The following VPS26C variants were observed in gnomAD, a reference collection of about 807,000 sequenced individuals.
VPS26C encodes VPS26 endosomal protein sorting factor C, also known as vacuolar protein sorting-associated protein 26C.
In VPS26C, 19 loss-of-function variants were observed where a neutral mutation model predicts 30.6. The ratio of observed to expected loss-of-function variants is 0.62; its 90% CI spans 0.43 to 0.91. The LOEUF is 0.91. VPS26C is among the 40% of genes least tolerant of loss of function. VPS26C has a pLI of 0.00. For missense variants in VPS26C, 318 were observed against 385.1 expected, an observed-to-expected ratio of 0.83 and a Z score of 1.46; for synonymous variants, 132 against 151.5, an observed-to-expected ratio of 0.87 and a Z score of 0.95.
At chr21:37,254,654 T>C (rs938586191) in intron 1 of VPS26C, among the ~76,000 whole-genome samples, 1 of 151,606 alleles carries the variant, frequency 6.6e-6, no homozygotes, top group Non-Finnish European at 1.5e-5. Flanking sequence ...CTACTAAAAA[T>C]ACAAAAAATA....
In VPS26C at chr21:37,267,278, T is replaced by C; in HGVS notation, c.17A>G (p.Asp6Gly). MGTAL[D>G]IKIKRANKVY... ...TTTATTCGCTCTTTTAATCTTGATG[T>C]CCAGGGCGGTCCCCATCTCCAATTC... Residue 6 changes from aspartate to glycine, a missense_variant, in exon 1 of 8, where the codon GAC becomes GGC. Coordinates refer to ENST00000309117, the MANE Select transcript of VPS26C (RefSeq NM_006052.2). 6.2e-7 allele frequency: 1 copy of C among 1,611,188 alleles called. No individual in the cohort carries two copies. Among genetic ancestry groups the C allele is most frequent in the Non-Finnish European group, 8.5e-7 (1 of 1,179,056 alleles).
At chr21:37,253,205 GT>G (rs2086211372) in intron 1 of VPS26C, among the ~76,000 whole-genome samples, 1 of 152,178 alleles carries the variant, frequency 6.6e-6, no homozygotes, top group Non-Finnish European at 1.5e-5. Context: ...TTACATACAT[GT>G]GCTGCCAATA....
intron 7 of VPS26C, 77 bp from the exon 8 acceptor site, chr21:37,225,703 G>A (rs1490486707): frequency 1.4e-5 from 18 of 1,274,252 alleles, no homozygotes; most frequent in Middle Eastern, 4.8e-4. Flanking sequence ...CACTGCAGTC[G>A]CAGGAAGCTC....
Position 37,267,271 on chromosome 21 carries a change from C to T in VPS26C, c.24G>A (p.Lys8=), listed in dbSNP as rs369058750. The T allele has an allele frequency of 7.3e-7, 1 of 1,374,678 alleles. No individual in the cohort carries two copies. The highest frequency in any genetic ancestry group is 1.6e-5 in the African/African-American group (1 of 64,472). The allele number at this position is 1,374,678 out of a possible 1,614,324, so 85.2% of individuals were successfully genotyped here. MGTALDI[K]IKRANKVYHA... ...GATAAACTTTATTCGCTCTTTTAAT[C>T]TTGATGTCCAGGGCGGTCCCCATCT... Residue 8 remains lysine, a synonymous_variant, in exon 1 of 8, where the codon AAG becomes AAA. Transcript: ENST00000309117.
intron 1 of VPS26C, among the ~76,000 whole-genome samples, chr21:37,245,209 G>A (rs1392308880): frequency 6.6e-5 from 10 of 152,212 alleles, no homozygotes; most frequent in Middle Eastern, 3.2e-3. Flanking sequence ...AGAGAAATAC[G>A]AGTGGCAGAT....
At chr21:37,250,023 G>A (rs1224810803) in intron 1 of VPS26C, among the ~76,000 whole-genome samples, 6 of 152,218 alleles carry the variant, frequency 3.9e-5, no homozygotes, top group African/African-American at 1.4e-4. Flanking sequence ...ATTAAGTTGG[G>A]CCGGGCAGGG....
At chr21:37,240,054 C>T (rs73220518) in intron 2 of VPS26C, among the ~76,000 whole-genome samples, 24,668 of 152,216 alleles carry the variant, frequency 0.16, 2,537 homozygotes, top group Non-Finnish European at 0.22. Context: ...AGAAGTGTAA[C>T]TACCACCATC....
At chr21:37,241,638 C>T (rs544617011) in intron 1 of VPS26C, among the ~76,000 whole-genome samples, 4 of 151,932 alleles carry the variant, frequency 2.6e-5, no homozygotes, top group African/African-American at 4.8e-5. Context: ...GGTAACATAG[C>T]GAGACTCCAT....
intron 3 of VPS26C, 40 bp downstream of exon 3, chr21:37,238,420 A>G (rs777450023): frequency 3.1e-6 from 5 of 1,593,546 alleles, no homozygotes; most frequent in Non-Finnish European, 4.3e-6. Flanking sequence ...GTCAGAAGAA[A>G]ACTTGTGAAG....
chr21:37,250,175 C>A (rs1569238923), intron 1 of VPS26C, among the ~76,000 whole-genome samples: 1 of 152,068 alleles, frequency 6.6e-6, no homozygotes, highest in Non-Finnish European at 1.5e-5. Context: ...CATGATGATA[C>A]ATGCCTATAG....
intron 1 of VPS26C, among the ~76,000 whole-genome samples, chr21:37,258,792 G>A (rs1052279837): frequency 6.6e-6 from 1 of 152,144 alleles, no homozygotes; most frequent in South Asian, 2.1e-4. Context: ...GTCCAGTATC[G>A]AAACACGCCG....
chr21:37,227,606 C>T (rs199575179), intron 7 of VPS26C, 48 bp downstream of exon 7: 11 of 1,581,314 alleles, frequency 7.0e-6, no homozygotes, highest in East Asian at 4.6e-5. Flanking sequence ...TGGCGCTGAG[C>T]GGCCCTTCCC....
intron 1 of VPS26C, among the ~76,000 whole-genome samples, chr21:37,249,248 C>G (rs981381782): frequency 6.6e-6 from 1 of 152,124 alleles, no homozygotes; most frequent in South Asian, 2.1e-4. Flanking sequence ...AGAGGTAATT[C>G]AAAGGCAGGA....
rs1569233756 is a variant in VPS26C, at chr21:37,235,872, TATA to T, written c.352-2433_352-2431del. On this transcript the variant is annotated intron_variant, in intron 3 of 7. Transcript: ENST00000309117. ...GTGTGTATATATATATATATATATATATATATATTTTTTTTTTTAATTAAAAAA... is the reference window on the plus strand; with the variant it reads ...GTGTGTATATATATATATATATATATTATATTTTTTTTTTTAATTAAAAAA... Among the ~76,000 whole-genome samples, 245 of 90,054 alleles carry T rather than the reference TATA, an allele frequency of 2.7e-3. 2 individuals carry two copies. The highest frequency in any genetic ancestry group is 8.4e-3 in the African/African-American group (216 of 25,858). 59.1% of individuals were successfully genotyped at this position (90,054 alleles called of 152,430 possible). A position where few individuals can be genotyped will look rare whatever the true frequency, so the allele number is the denominator to read the frequency against.
chr21:37,246,643 A>G (rs1392349678), intron 1 of VPS26C, among the ~76,000 whole-genome samples: 1 of 152,090 alleles, frequency 6.6e-6, no homozygotes, highest in Admixed American at 6.5e-5. Flanking sequence ...AGTCCTGACA[A>G]TGTAGAATGT....
intron 1 of VPS26C, among the ~76,000 whole-genome samples, chr21:37,264,117 G>T (rs965909365): frequency 7.9e-5 from 12 of 152,170 alleles, no homozygotes; most frequent in African/African-American, 2.9e-4. Flanking sequence ...ACATGTCAGA[G>T]ATTTTTGTCA....
intron 1 of VPS26C, among the ~76,000 whole-genome samples, chr21:37,265,044 C>T (rs2086344382): frequency 6.6e-6 from 1 of 152,156 alleles, no homozygotes; most frequent in Non-Finnish European, 1.5e-5. Flanking sequence ...AAAAGGGCCA[C>T]ATAGTGTACG....
rs1369504002 is a variant in VPS26C, at chr21:37,223,854, C to T, written c.*1690G>A. The T allele has an allele frequency of 1.5e-5, 2 of 134,710 alleles. No individual in the cohort carries two copies. The highest frequency in any genetic ancestry group is 3.2e-5 in the Non-Finnish European group (2 of 61,842). 8.3% of individuals were successfully genotyped at this position (134,710 alleles called of 1,614,324 possible). A position where few individuals can be genotyped will look rare whatever the true frequency, so the allele number is the denominator to read the frequency against. ...CTGAGCCTGTTTTGGCCAAGCCCAT[C>T]CAGAATGAAAAGTACAAAAGAAGGC... On this transcript the variant is annotated 3_prime_UTR_variant, in exon 8 of 8. Transcript: ENST00000309117.
upstream of VPS26C, chr21:37,267,633 G>T (rs940727414): frequency 6.1e-6 from 2 of 329,192 alleles, no homozygotes; most frequent in South Asian, 4.2e-5. Context: ...GTTAGCGGAG[G>T]GAGGGAGGAA....
Sources: allele counts gnomAD v4.1 joint callset (sites outside exome capture counted in the v4.1 genomes callset), GRCh38; gene constraint gnomAD v4.1.1; transcripts MANE v1.5; gene names NCBI Gene and HGNC (gene_info 2026-07-23, HGNC 2026-07-21).